Variants in WWC1 observed in about 807,000 individuals in gnomAD.
WWC1 encodes the protein protein KIBRA.
A neutral mutation model predicts 138.4 loss-of-function variants in WWC1; 55 were observed. The observed-to-expected ratio is 0.40, with a 90% CI of 0.32 to 0.50. The LOEUF (loss-of-function observed/expected upper bound fraction) is 0.50, where lower values mean the gene tolerates loss of function less well. Among genes scored for constraint, WWC1 ranks in the 20% least tolerant of loss-of-function variants. The pLI is 0.72. For synonymous variants in WWC1, 524 were observed against 564.9 expected, an observed-to-expected ratio of 0.93 and a Z score of 1.03; for missense variants, 1,226 against 1,420.4, an observed-to-expected ratio of 0.86 and a Z score of 2.20.
intron 3 of WWC1, among the ~76,000 whole-genome samples, chr5:168,389,863 A>G (rs1001747132): frequency 2.0e-5 from 3 of 152,196 alleles, no homozygotes; most frequent in Non-Finnish European, 4.4e-5. Flanking sequence ...ACTAGCTGCC[A>G]GTATCACCCC....
chr5:168,316,237 AC>A (rs2152753529), intron 1 of WWC1, among the ~76,000 whole-genome samples: 1 of 152,316 alleles, frequency 6.6e-6, no homozygotes, highest in Admixed American at 6.5e-5. Flanking sequence ...AAACAAAGAT[AC>A]CAGCAGCCCC....
At chr5:168,380,715 C>T (rs1777563774) in intron 2 of WWC1, among the ~76,000 whole-genome samples, 1 of 152,130 alleles carries the variant, frequency 6.6e-6, no homozygotes, top group Admixed American at 6.5e-5. Context: ...CACACGAAGA[C>T]TTAGAGTATT....
intron 1 of WWC1, among the ~76,000 whole-genome samples, chr5:168,299,756 A>C (rs766389060): frequency 9.2e-5 from 14 of 152,220 alleles, no homozygotes; most frequent in Non-Finnish European, 1.8e-4. Context: ...CAGGGCTAGA[A>C]TAAGTGTGAG....
chr5:168,332,423 C>T (rs892046623), intron 1 of WWC1, among the ~76,000 whole-genome samples: 2 of 152,042 alleles, frequency 1.3e-5, no homozygotes, highest in Non-Finnish European at 2.9e-5. Flanking sequence ...TAGTGTTTTC[C>T]TTTTCTGGTT....
rs775245686 is a variant in WWC1, at chr5:168,460,657, G to A, written c.2831G>A (p.Arg944Gln). ...ATGACTTTTCTCTTGCAGCTGAATCGGAGTGATAGTGACAGCTCCACTCTG... is the reference window on the plus strand; with the variant it reads ...ATGACTTTTCTCTTGCAGCTGAATCAGAGTGATAGTGACAGCTCCACTCTG... ...PQSQYVCRLN[R>Q]SDSDSSTLSK... Residue 944 changes from arginine (R) to glutamine (Q), a missense_variant, in exon 20 of 23, where the codon CGG becomes CAG. Transcript: ENST00000265293. 1 of 1,613,952 alleles carries A rather than the reference G, an allele frequency of 6.2e-7. No individual in the cohort carries two copies. Among genetic ancestry groups the A allele is most frequent in the Non-Finnish European group, 8.5e-7 (1 of 1,179,916 alleles).
rs373546959 is a variant in WWC1 at position 168,355,463 on chromosome 5, C to T, written c.120-15961C>T. Among the ~76,000 whole-genome samples, 101 of 143,528 alleles carry T rather than the reference C, an allele frequency of 7.0e-4. 3 individuals carry two copies. The South Asian group carries it at 0.021, about 30-fold the overall frequency. The allele number at this position is 143,528 out of a possible 152,430, so 94.2% of individuals were successfully genotyped here. ...GAGCTGAGATCGCGCCACTACACTC[C>T]AGCCTGGGTGACAAGAGTGAGACTC... On this transcript the variant is annotated intron_variant, in intron 1 of 22. Coordinates refer to ENST00000265293, the MANE Select transcript of WWC1 (RefSeq NM_015238.3).
chr5:168,296,213 G>T (rs1395272142), intron 1 of WWC1, among the ~76,000 whole-genome samples: 1 of 152,200 alleles, frequency 6.6e-6, no homozygotes, highest in African/African-American at 2.4e-5. Flanking sequence ...ATTCCTTCTT[G>T]TTGTGCGATT....
intron 5 of WWC1, among the ~76,000 whole-genome samples, chr5:168,399,804 G>T (rs1779180363): frequency 6.6e-6 from 1 of 152,164 alleles, no homozygotes; most frequent in African/African-American, 2.4e-5. Context: ...TTGTCCCGTG[G>T]ACTCCTGAAG....
At chr5:168,441,642 C>G (rs773636859) in intron 15 of WWC1, 40 bp from the exon 16 acceptor site, 26 of 1,599,252 alleles carry the variant, frequency 1.6e-5, no homozygotes, top group Admixed American at 6.8e-5. Context: ...GGTGTCCCCC[C>G]CACCGCCACT....
At chr5:168,314,843 GGTGT>G (rs1771435927) in intron 1 of WWC1, among the ~76,000 whole-genome samples, 1 of 152,200 alleles carries the variant, frequency 6.6e-6, no homozygotes, top group African/African-American at 2.4e-5. Context: ...GGTGGCAGGA[GGTGT>G]GGCCAGATTC....
At chr5:168,306,586 G>A (rs1446465464) in intron 1 of WWC1, among the ~76,000 whole-genome samples, 2 of 152,006 alleles carry the variant, frequency 1.3e-5, no homozygotes, top group African/African-American at 4.8e-5. Context: ...ATTGATCTAA[G>A]CTGCTTTATT....
At chr5:168,443,231 A>G (rs1754952410) in intron 16 of WWC1, among the ~76,000 whole-genome samples, 1 of 152,208 alleles carries the variant, frequency 6.6e-6, no homozygotes, top group African/African-American at 2.4e-5. Context: ...TGGGACATAC[A>G]GGTAAAGATA....
chr5:168,406,351 G>A (rs1233809124), intron 6 of WWC1, 24 bp downstream of exon 6: 1 of 1,612,288 alleles, frequency 6.2e-7, no homozygotes, highest in South Asian at 1.1e-5. Flanking sequence ...TGTTGATGTG[G>A]GTGCCATCTT....
Position 168,451,903 on chromosome 5 carries a change from C to CTTTTTTTTT in WWC1, c.2526-2053_2526-2045dup, listed in dbSNP as rs3085192. ...CTTTGGAGAAGCCATTTGTTGGTGTCTTTTTTTTTTTTTTTTTTTTGAGGT... is the reference window on the plus strand; with the variant it reads ...CTTTGGAGAAGCCATTTGTTGGTGTCTTTTTTTTTTTTTTTTTTTTTTTTTTTTTGAGGT... On this transcript the variant is annotated intron_variant, in intron 17 of 22. Transcript: ENST00000265293. Among the ~76,000 whole-genome samples, 12 of 108,526 alleles carry CTTTTTTTTT rather than the reference C, an allele frequency of 1.1e-4. 1 individual carries two copies. The highest frequency in any genetic ancestry group is 3.0e-4 in the East Asian group (1 of 3,294). 71.2% of individuals were successfully genotyped at this position (108,526 alleles called of 152,430 possible).
chr5:168,359,011 T>G (rs1775671601), intron 1 of WWC1, among the ~76,000 whole-genome samples: 1 of 139,196 alleles, frequency 7.2e-6, no homozygotes, highest in South Asian at 2.5e-4. Flanking sequence ...TATATGGTTT[T>G]TGTTGTTGTT....
chr5:168,375,211 G>A (rs1343436154), intron 2 of WWC1, among the ~76,000 whole-genome samples: 1 of 152,140 alleles, frequency 6.6e-6, no homozygotes, highest in Non-Finnish European at 1.5e-5. Context: ...AAACAGAGAA[G>A]AGGACCAAGG....
At chr5:168,430,320 CT>C in intron 14 of WWC1, 97 bp downstream of exon 14, 1 of 940,420 alleles carries the variant, frequency 1.1e-6, no homozygotes, top group South Asian at 1.6e-5. Context: ...AGTTATGGGC[CT>C]TGTCAAGGCA....
chr5:168,381,021 A>T (rs1777589922), intron 2 of WWC1, among the ~76,000 whole-genome samples: 1 of 152,106 alleles, frequency 6.6e-6, no homozygotes, highest in Non-Finnish European at 1.5e-5. Flanking sequence ...ACTCTCAGAA[A>T]TGTAACAAAT....
intron 1 of WWC1, among the ~76,000 whole-genome samples, chr5:168,303,735 GC>G (rs796374940): frequency 3.9e-5 from 6 of 152,204 alleles, no homozygotes; most frequent in African/African-American, 1.2e-4. Context: ...AGAGGAAATT[GC>G]CCTCCCTGTT....
Sources: gnomAD v4.1 joint callset for allele counts (sites outside exome capture counted in the v4.1 genomes callset) on GRCh38, gnomAD v4.1.1 for gene constraint, MANE v1.5 for transcripts, NCBI Gene and HGNC (gene_info 2026-07-23, HGNC 2026-07-21) for gene names.